The following GLIS3 variants were observed in gnomAD, a reference collection of about 807,000 sequenced individuals.
The protein encoded by GLIS3 is zinc finger protein GLIS3.
GLIS3 carries 53 observed loss-of-function variants against 78.6 expected under a neutral mutation model. That is an observed-to-expected ratio of 0.67 (90% CI 0.54 to 0.85). GLIS3 has a LOEUF of 0.85. GLIS3 is among the 40% of genes least tolerant of loss of function. GLIS3 has a pLI of 0.00. For synonymous variants in GLIS3, 684 were observed against 509.9 expected, an observed-to-expected ratio of 1.34 and a Z score of -4.60; for missense variants, 1,703 against 1,231.1, an observed-to-expected ratio of 1.38 and a Z score of -5.74.
intron 4 of GLIS3, among the ~76,000 whole-genome samples, chr9:3,955,185 A>G (rs916477954): frequency 9.9e-5 from 15 of 152,268 alleles, no homozygotes; most frequent in African/African-American, 3.6e-4. Context: ...CAGGGTAGTA[A>G]TCAGGGAAGA....
chr9:4,010,907 G>A (rs1319440344), intron 4 of GLIS3, among the ~76,000 whole-genome samples: 1 of 152,132 alleles, frequency 6.6e-6, no homozygotes, highest in Non-Finnish European at 1.5e-5. Flanking sequence ...GAGTAATCAC[G>A]CACTGGTATG....
At chr9:4,062,105 A>T (rs1338165616) in intron 4 of GLIS3, among the ~76,000 whole-genome samples, 1 of 152,200 alleles carries the variant, frequency 6.6e-6, no homozygotes, top group African/African-American at 2.4e-5. Context: ...GCCAAATCAC[A>T]CTAAGTACAT....
intron 2 of GLIS3, among the ~76,000 whole-genome samples, chr9:4,146,910 C>T (rs945021069): frequency 7.9e-5 from 12 of 152,262 alleles, no homozygotes; most frequent in African/African-American, 1.7e-4. Context: ...GTATTACGTT[C>T]GACTTTTAAA....
At position 3,828,152 on chromosome 9, in the gene GLIS3, A is replaced by T. The variant is rs1817825039; in HGVS notation, c.*120T>A. On this transcript the variant is annotated 3_prime_UTR_variant, in exon 11 of 11. Coordinates refer to ENST00000381971, the MANE Select transcript of GLIS3 (RefSeq NM_001042413.2). ...CCTGCCTTCTGAAAGAACATCAGTAACTCTGCAGGGCCCGCTGATTGGGCT... is the reference window on the plus strand; with the variant it reads ...CCTGCCTTCTGAAAGAACATCAGTATCTCTGCAGGGCCCGCTGATTGGGCT... The T allele has an allele frequency of 3.5e-6, 4 of 1,157,902 alleles. No homozygotes were observed. Among genetic ancestry groups the T allele is most frequent in the Non-Finnish European group, 5.1e-6 (4 of 780,910 alleles). 71.7% of individuals were successfully genotyped at this position (1,157,902 alleles called of 1,614,324 possible).
At chr9:4,212,531 A>C (rs1820466592) in intron 2 of GLIS3, among the ~76,000 whole-genome samples, 1 of 152,202 alleles carries the variant, frequency 6.6e-6, no homozygotes, top group African/African-American at 2.4e-5. Context: ...TGTGTGCTAC[A>C]ACAGGGGCAG....
At chr9:3,872,132 G>A (rs903756729) in intron 8 of GLIS3, among the ~76,000 whole-genome samples, 2 of 152,180 alleles carry the variant, frequency 1.3e-5, no homozygotes, top group African/African-American at 2.4e-5. Context: ...CTTTGCTCCA[G>A]TTCCCAACAA....
the GLIS3 span, among the ~76,000 whole-genome samples, chr9:4,379,951 C>T: frequency 3.6e-5 from 5 of 138,178 alleles, no homozygotes; most frequent in East Asian, 4.3e-4. Context: ...GTCTTAGAGG[C>T]AGACAGAGTG....
intron 2 of GLIS3, among the ~76,000 whole-genome samples, chr9:4,161,737 G>C (rs939849067): frequency 1.3e-5 from 2 of 148,426 alleles, no homozygotes; most frequent in African/African-American, 5.0e-5. Flanking sequence ...GAGTACAGTG[G>C]CGCAATTCTC....
At chr9:4,453,004 C>T in the GLIS3 span, among the ~76,000 whole-genome samples, 1 of 152,060 alleles carries the variant, frequency 6.6e-6, no homozygotes, top group South Asian at 2.1e-4. Context: ...TCAGAAATAA[C>T]ACCACACATC....
At chr9:4,332,305 A>T (rs7866415) in intron 2 of GLIS3, among the ~76,000 whole-genome samples, 1 of 151,914 alleles carries the variant, frequency 6.6e-6, no homozygotes, top group African/African-American at 2.4e-5. Context: ...TTTTGGAGGC[A>T]GGGACTGTTA....
the GLIS3 span, among the ~76,000 whole-genome samples, chr9:4,367,787 A>G: frequency 6.6e-6 from 1 of 152,184 alleles, no homozygotes; most frequent in South Asian, 2.1e-4. Context: ...TGGAAAAAAA[A>G]GAAGAGACAT....
chr9:4,050,091 T>A (rs533009112), intron 4 of GLIS3, among the ~76,000 whole-genome samples: 82 of 152,156 alleles, frequency 5.4e-4, no homozygotes, highest in Admixed American at 2.2e-3. Flanking sequence ...AGCCATCCCA[T>A]TACTGGGTAT....
At chr9:4,247,737 C>G (rs1393078032) in intron 2 of GLIS3, among the ~76,000 whole-genome samples, 1 of 151,898 alleles carries the variant, frequency 6.6e-6, no homozygotes, top group African/African-American at 2.4e-5. Context: ...CTGAGAAAAT[C>G]CCAAGATTAT....
intron 2 of GLIS3, among the ~76,000 whole-genome samples, chr9:4,194,655 T>A (rs184123191): frequency 6.6e-6 from 1 of 152,172 alleles, no homozygotes; most frequent in East Asian, 1.9e-4. Context: ...GGGAGGAGAA[T>A]AGAGACAAAC....
chr9:4,372,957 G>A, the GLIS3 span, among the ~76,000 whole-genome samples: 36 of 152,076 alleles, frequency 2.4e-4, no homozygotes, highest in Non-Finnish European at 1.5e-5. Flanking sequence ...TCTACCTCAG[G>A]GCCTTGTGCA....
intron 9 of GLIS3, chr9:3,855,408 G>C (rs4289864): frequency 6.4e-6 from 1 of 156,048 alleles, no homozygotes; most frequent in African/African-American, 2.4e-5. Flanking sequence ...TGATGGGTCA[G>C]AAAATGCTCA....
intron 4 of GLIS3, among the ~76,000 whole-genome samples, chr9:4,003,793 T>C (rs896750567): frequency 6.6e-6 from 1 of 152,206 alleles, no homozygotes; most frequent in African/African-American, 2.4e-5. Flanking sequence ...GAAATAAGTG[T>C]CAATGAAGAC....
intron 4 of GLIS3, among the ~76,000 whole-genome samples, chr9:4,090,745 A>G (rs1588648003): frequency 6.6e-6 from 1 of 152,304 alleles, no homozygotes; most frequent in African/African-American, 2.4e-5. Flanking sequence ...GGAAGAAGAG[A>G]TAAGCTTAAG....
At chr9:4,469,698 C>T in the GLIS3 span, among the ~76,000 whole-genome samples, 215 of 152,138 alleles carry the variant, frequency 1.4e-3, no homozygotes, top group Non-Finnish European at 1.7e-3. Context: ...GATCTAAAAT[C>T]GACAACCTAA....
Sources: allele counts gnomAD v4.1 joint callset (sites outside exome capture counted in the v4.1 genomes callset), GRCh38; gene constraint gnomAD v4.1.1; transcripts MANE v1.5; gene names NCBI Gene and HGNC (gene_info 2026-07-23, HGNC 2026-07-21).